UTRN: variants seen among roughly 807,000 people sequenced by gnomAD.
The protein encoded by UTRN is utrophin.
Under a neutral mutation model 463.9 loss-of-function variants are expected in UTRN, and 283 were observed. The ratio of observed to expected loss-of-function variants is 0.61; its 90% CI spans 0.55 to 0.67. UTRN has a LOEUF of 0.67. Among genes scored for constraint, UTRN ranks in the 30% least tolerant of loss-of-function variants. The probability of loss-of-function intolerance (pLI) is 0.00; values close to 1 mark genes in which losing one functional copy is unlikely to be tolerated. For missense variants in UTRN, 3,922 were observed against 4,084.3 expected (o/e 0.96, Z 1.08); for synonymous variants, 1,442 against 1,431.5 (o/e 1.01, Z -0.17).
At chr6:144,675,651 G>T (rs1475396517) in intron 51 of UTRN, among the ~76,000 whole-genome samples, 1 of 152,154 alleles carries the variant, frequency 6.6e-6, no homozygotes, top group Non-Finnish European at 1.5e-5. Flanking sequence ...GTATAATGTT[G>T]CCCTATGTTG....
intron 2 of UTRN, among the ~76,000 whole-genome samples, chr6:144,389,620 A>G (rs1781729797): frequency 6.7e-6 from 1 of 149,996 alleles, no homozygotes; most frequent in Non-Finnish European, 1.5e-5. Context: ...CCCCCCTGAG[A>G]CGGGGTCTGG....
chr6:144,422,617 CAA>C (rs76087875), intron 4 of UTRN, among the ~76,000 whole-genome samples: 4 of 119,998 alleles, frequency 3.3e-5, no homozygotes, highest in Admixed American at 8.5e-5. Flanking sequence ...GACTCCGTCT[CAA>C]AAAAAAAAAA....
intron 2 of UTRN, among the ~76,000 whole-genome samples, chr6:144,323,182 A>G (rs1775772857): frequency 6.6e-6 from 1 of 152,162 alleles, no homozygotes; most frequent in Admixed American, 6.5e-5. Flanking sequence ...AGTAACAAAG[A>G]TGTTTGCATT....
chr6:144,513,867 A>G (rs771265442), intron 35 of UTRN, 42 bp from the exon 36 acceptor site: 21 of 1,593,698 alleles, frequency 1.3e-5, no homozygotes, highest in Non-Finnish European at 1.8e-5. Flanking sequence ...CATCTTAAAT[A>G]TTTCATATGG....
chr6:144,519,711 G>T (rs1585099760), intron 39 of UTRN, among the ~76,000 whole-genome samples: 2 of 152,108 alleles, frequency 1.3e-5, no homozygotes, highest in East Asian at 3.8e-4. Flanking sequence ...GAGTGGGAAG[G>T]CTCAGAAAAA....
At chr6:144,494,069 C>T (rs1319678753) in intron 33 of UTRN, among the ~76,000 whole-genome samples, 1 of 152,080 alleles carries the variant, frequency 6.6e-6, no homozygotes, top group Non-Finnish European at 1.5e-5. Context: ...ACTGATATTC[C>T]ATAAATTATT....
chr6:144,508,926 G>A (rs1794930639), intron 34 of UTRN, among the ~76,000 whole-genome samples: 1 of 151,934 alleles, frequency 6.6e-6, no homozygotes, highest in Non-Finnish European at 1.5e-5. Flanking sequence ...CCACTGATCT[G>A]GCCCCATGAA....
At chr6:144,433,461 T>C (rs1433640438) in intron 9 of UTRN, among the ~76,000 whole-genome samples, 6 of 145,158 alleles carry the variant, frequency 4.1e-5, no homozygotes, top group South Asian at 2.2e-4. Flanking sequence ...TCCTCACTTC[T>C]CAGACGGGGC....
chr6:144,429,525 AT>A lies in UTRN; in HGVS notation c.695-54del, dbSNP rs1162426401. 3 of 1,482,100 alleles carry A rather than the reference AT, an allele frequency of 2.0e-6. No homozygotes were observed. In the Admixed American group the frequency reaches 6.2e-5, roughly 30 times the overall value. 91.8% of individuals were successfully genotyped at this position (1,482,100 alleles called of 1,614,324 possible). On this transcript the variant is annotated intron_variant, in intron 8 of 74. Coordinates refer to ENST00000367545, the MANE Select transcript of UTRN (RefSeq NM_007124.3). Reference sequence around the variant, plus strand: ...GTTATTTTATATCTAATATTGAGCAATTCACATATTTTGGACACCTAATTTA... The same window carrying A: ...GTTATTTTATATCTAATATTGAGCAATCACATATTTTGGACACCTAATTTA...
rs535585641 is a variant in UTRN at position 144,472,794 on chromosome 6, A to G, written c.3067-926A>G. Reference sequence around the variant, plus strand: ...CATTTTTTTTTTTTTTTTGAGACAGAGTCTTGCTCTGTCGCCAGGCTGGAG... The same window carrying G: ...CATTTTTTTTTTTTTTTTGAGACAGGGTCTTGCTCTGTCGCCAGGCTGGAG... On this transcript the variant is annotated intron_variant, in intron 23 of 74. Transcript: ENST00000367545. 4.7e-5 allele frequency among the ~76,000 whole-genome samples: 7 copies of G among 148,900 alleles called. No individual in the cohort carries two copies. In the East Asian group the frequency reaches 1.4e-3, roughly 29 times the overall value.
intron 63 of UTRN, among the ~76,000 whole-genome samples, chr6:144,797,287 C>T (rs568694622): frequency 1.2e-3 from 182 of 151,768 alleles, no homozygotes; most frequent in Non-Finnish European, 2.3e-3. Flanking sequence ...CTCCCAGGTT[C>T]AAGCGATTCT....
At chr6:144,450,056 C>T (rs771251967) in intron 17 of UTRN, among the ~76,000 whole-genome samples, 2 of 152,138 alleles carry the variant, frequency 1.3e-5, no homozygotes, top group Non-Finnish European at 2.9e-5. Context: ...TGGTTTTGAC[C>T]AACCTTCTCA....
chr6:144,661,759 G>T (rs1779892127), intron 51 of UTRN, among the ~76,000 whole-genome samples: 1 of 152,170 alleles, frequency 6.6e-6, no homozygotes, highest in Non-Finnish European at 1.5e-5. Flanking sequence ...CTGGACTTTT[G>T]TATTGTAATT....
At chr6:144,437,258 A>G (rs778158515) in intron 10 of UTRN, among the ~76,000 whole-genome samples, 6 of 151,994 alleles carry the variant, frequency 3.9e-5, no homozygotes, top group Non-Finnish European at 7.4e-5. Flanking sequence ...CCAGCCTTTT[A>G]TTTTATTTAT....
At chr6:144,431,759 G>T (rs1181445194) in intron 9 of UTRN, among the ~76,000 whole-genome samples, 1 of 152,116 alleles carries the variant, frequency 6.6e-6, no homozygotes, top group Non-Finnish European at 1.5e-5. Flanking sequence ...ATCTCCAGGG[G>T]TTATTTTAGC....
intron 51 of UTRN, among the ~76,000 whole-genome samples, chr6:144,664,565 C>G (rs1780199430): frequency 6.6e-6 from 1 of 151,190 alleles, no homozygotes; most frequent in South Asian, 2.1e-4. Context: ...CGAGTCTTAC[C>G]TATATTTATC....
At chr6:144,426,886 A>G (rs1171365725) in intron 7 of UTRN, among the ~76,000 whole-genome samples, 3 of 152,254 alleles carry the variant, frequency 2.0e-5, no homozygotes, top group African/African-American at 7.2e-5. Flanking sequence ...TTCTAATTAT[A>G]TAAAAGACGA....
At chr6:144,802,511 T>C (rs1777783926) in intron 64 of UTRN, among the ~76,000 whole-genome samples, 1 of 152,222 alleles carries the variant, frequency 6.6e-6, no homozygotes, top group South Asian at 2.1e-4. Context: ...TCTAAGGTTT[T>C]GCTTTTGTAA....
intron 14 of UTRN, among the ~76,000 whole-genome samples, chr6:144,445,577 C>G (rs962903252): frequency 2.0e-5 from 3 of 149,584 alleles, no homozygotes; most frequent in African/African-American, 7.6e-5. Flanking sequence ...CGCCCTCAAT[C>G]TGTGGTCAGA....
Sources: allele counts gnomAD v4.1 joint callset (sites outside exome capture counted in the v4.1 genomes callset), GRCh38; gene constraint gnomAD v4.1.1; transcripts MANE v1.5; gene names NCBI Gene and HGNC (gene_info 2026-07-23, HGNC 2026-07-21).